Variants in NRG1 observed in about 807,000 individuals in gnomAD.
NRG1 encodes neuregulin 1.
NRG1 carries 18 observed loss-of-function variants against 63.8 expected under a neutral mutation model. The observed-to-expected ratio is 0.28, with a 90% CI of 0.19 to 0.42. NRG1 has a LOEUF of 0.42. Among genes scored for constraint, NRG1 ranks in the 10% least tolerant of loss-of-function variants. The pLI is 1.00. For missense variants in NRG1, 762 were observed against 814.7 expected, an observed-to-expected ratio of 0.94 and a Z score of 0.79; for synonymous variants, 302 against 301.3, an observed-to-expected ratio of 1.00 and a Z score of -0.02.
chr8:32,300,999 A>G (rs770896624), intron 1 of NRG1, among the ~76,000 whole-genome samples: 3 of 152,200 alleles, frequency 2.0e-5, no homozygotes, highest in Non-Finnish European at 2.9e-5. Flanking sequence ...TTCACATTTG[A>G]AGAAAATGTT....
chr8:32,660,013 A>G (rs1012965619), intron 5 of NRG1, among the ~76,000 whole-genome samples: 1 of 152,148 alleles, frequency 6.6e-6, no homozygotes, highest in Non-Finnish European at 1.5e-5. Flanking sequence ...CTTATTGCTC[A>G]TAGTAGACTG....
At chr8:31,900,308 A>G (rs1831965420) in intron 1 of NRG1, among the ~76,000 whole-genome samples, 1 of 152,204 alleles carries the variant, frequency 6.6e-6, no homozygotes, top group Admixed American at 6.5e-5. Context: ...GTGTCTGTAA[A>G]ACTAAAAACT....
intron 1 of NRG1, among the ~76,000 whole-genome samples, chr8:32,009,510 T>C (rs1814383811): frequency 6.6e-6 from 1 of 151,790 alleles, no homozygotes; most frequent in Admixed American, 6.6e-5. Flanking sequence ...AATAAATAAG[T>C]ATATAATATA....
Position 32,238,421 on chromosome 8 carries a change from A to G in NRG1, c.38-357407A>G, listed in dbSNP as rs866179912. On this transcript the variant is annotated intron_variant, in intron 1 of 10. Transcript: ENST00000519301. ...AGTGAGCCAAGATTGTCCAGCCTGG[A>G]CAATAGAGACTCTTTCTCAAAAAGA... Among the ~76,000 whole-genome samples, 7 of 151,572 alleles carry G rather than the reference A, an allele frequency of 4.6e-5. No homozygotes were observed. In the Middle Eastern group the frequency reaches 0.02, roughly 442 times the overall value.
intron 1 of NRG1, among the ~76,000 whole-genome samples, chr8:32,114,223 T>C (rs1211414744): frequency 6.6e-6 from 1 of 152,210 alleles, no homozygotes; most frequent in African/African-American, 2.4e-5. Context: ...AAATAACATT[T>C]TATTTTTCTG....
chr8:31,822,781 T>C (rs1824128551), intron 1 of NRG1, among the ~76,000 whole-genome samples: 1 of 152,208 alleles, frequency 6.6e-6, no homozygotes, highest in Non-Finnish European at 1.5e-5. Context: ...GAAGGTGTAT[T>C]GTTTTGCAAA....
At chr8:32,693,841 C>T (rs931017691) in intron 5 of NRG1, among the ~76,000 whole-genome samples, 15 of 152,140 alleles carry the variant, frequency 9.9e-5, no homozygotes, top group Admixed American at 9.8e-4. Context: ...TTTTCGTTCC[C>T]TTGTTCCTAC....
Position 31,870,959 on chromosome 8 carries a change from T to C in NRG1, c.37+231528T>C, listed in dbSNP as rs912678896. 8.5e-5 allele frequency among the ~76,000 whole-genome samples: 13 copies of C among 152,218 alleles called. 2 individuals are homozygous for C. The highest frequency in any genetic ancestry group is 1.9e-4 in the East Asian group (1 of 5,184). On this transcript the variant is annotated intron_variant, in intron 1 of 10. Coordinates refer to the NRG1 transcript ENST00000519301. Reference sequence around the variant, plus strand: ...AGGAGTACGTGTTAGTAGCTGAAGATTTTTCTGTCTTCTTCCTTGTGTTGT... The same window carrying C: ...AGGAGTACGTGTTAGTAGCTGAAGACTTTTCTGTCTTCTTCCTTGTGTTGT...
At chr8:32,376,135 G>T (rs1270308967) in intron 1 of NRG1, among the ~76,000 whole-genome samples, 2 of 152,144 alleles carry the variant, frequency 1.3e-5, no homozygotes, top group African/African-American at 4.8e-5. Context: ...AGCTGTAAAA[G>T]AAAGTAAGAA....
At chr8:31,754,485 T>C (rs1019686485) in intron 1 of NRG1, among the ~76,000 whole-genome samples, 3 of 152,106 alleles carry the variant, frequency 2.0e-5, no homozygotes, top group African/African-American at 7.2e-5. Context: ...CCCCAGAAGC[T>C]GAGCAGATGC....
At chr8:31,941,110 G>A (rs372665775) in intron 1 of NRG1, among the ~76,000 whole-genome samples, 3 of 152,018 alleles carry the variant, frequency 2.0e-5, no homozygotes, top group South Asian at 4.1e-4. Context: ...GAAAACTACA[G>A]TCAGTATCCC....
intron 9 of NRG1, among the ~76,000 whole-genome samples, chr8:32,757,340 CT>C (rs1418140024): frequency 1.3e-5 from 2 of 152,088 alleles, no homozygotes; most frequent in Non-Finnish European, 2.9e-5. Context: ...CATCATCCTT[CT>C]TATTTTCAAA....
chr8:31,640,419 C>A lies in NRG1; in HGVS notation c.37+988C>A, dbSNP rs769174307. 2 of 1,491,864 alleles carry A rather than the reference C, an allele frequency of 1.3e-6. No homozygotes were observed. Among genetic ancestry groups the A allele is most frequent in the Admixed American group, 2.2e-5 (1 of 45,068 alleles). 92.4% of individuals were successfully genotyped at this position (1,491,864 alleles called of 1,614,324 possible). A position where few individuals can be genotyped will look rare whatever the true frequency, so the allele number is the denominator to read the frequency against. ...ACGGGACCGTGCCCTCTTGGCCCAC[C>A]GCCCCGGTGCCCAGCGCCGGCGAGC... On this transcript the variant is annotated intron_variant, in intron 1 of 10. Transcript: ENST00000519301. This position sits in a 1 kb window ranked among gnomAD's most constrained non-coding sequence, Gnocchi z 6.3.
intron 1 of NRG1, among the ~76,000 whole-genome samples, chr8:32,391,041 T>G (rs1811686181): frequency 6.6e-6 from 1 of 152,186 alleles, no homozygotes; most frequent in South Asian, 2.1e-4. Context: ...ACAACTTATT[T>G]TATTTTCATC....
intron 1 of NRG1, among the ~76,000 whole-genome samples, chr8:31,683,495 AAAGGC>A (rs1377747355): frequency 3.3e-5 from 5 of 152,236 alleles, no homozygotes; most frequent in Non-Finnish European, 7.3e-5. Context: ...ATATTCTGGA[AAAGGC>A]AAAACTATGG....
chr8:32,634,617 G>T (rs774807516), intron 5 of NRG1, among the ~76,000 whole-genome samples: 1 of 152,210 alleles, frequency 6.6e-6, no homozygotes, highest in Non-Finnish European at 1.5e-5. Context: ...AGTAGAAACT[G>T]TAATATGTAT....
Position 32,264,252 on chromosome 8 carries a change from T to C in NRG1, c.38-331576T>C, listed in dbSNP as rs182234021. The stretch of plus-strand genomic sequence containing the variant: ...ATCTGTTTATTTTCTTAATTTTTAA[T>C]TGTCTGTCAATCCTTCTTGATTTAA... On this transcript the variant is annotated intron_variant, in intron 1 of 10. Coordinates refer to the NRG1 transcript ENST00000519301. Among the ~76,000 whole-genome samples, 157 of 152,326 alleles carry C rather than the reference T, an allele frequency of 1.0e-3. 3 individuals carry two copies. In the East Asian group the frequency reaches 0.024, roughly 23 times the overall value.
intron 1 of NRG1, among the ~76,000 whole-genome samples, chr8:31,882,329 TAAAAAAAAAAAAAA>T (rs745615085): frequency 1.3e-5 from 1 of 79,830 alleles, no homozygotes; most frequent in African/African-American, 4.9e-5. Context: ...GCTCAAAAAC[TAAAAAAAAAAAAAA>T]AAAAAAAAAA....
At chr8:32,532,507 A>T (rs1401441404) in intron 1 of NRG1, among the ~76,000 whole-genome samples, 1 of 152,122 alleles carries the variant, frequency 6.6e-6, no homozygotes, top group Non-Finnish European at 1.5e-5. Context: ...TTTCTAACTA[A>T]GATAAAAACA....
Sources: allele counts gnomAD v4.1 joint callset (sites outside exome capture counted in the v4.1 genomes callset), GRCh38; gene constraint gnomAD v4.1.1; non-coding constraint Gnocchi (gnomAD v3.1); transcripts MANE v1.5; gene names NCBI Gene and HGNC (gene_info 2026-07-23, HGNC 2026-07-21).